The following WDR25 variants were observed in gnomAD, a reference collection of about 807,000 sequenced individuals.
WDR25 encodes the protein WD repeat-containing protein 25.
Under a neutral mutation model 47.7 loss-of-function variants are expected in WDR25, and 35 were observed. That is an observed-to-expected ratio of 0.73 (90% CI 0.56 to 0.97). The LOEUF (loss-of-function observed/expected upper bound fraction) is 0.97. WDR25 is among the 50% of genes least tolerant of loss of function. WDR25 has a pLI of 0.00. For synonymous variants in WDR25, 248 were observed against 278.9 expected (o/e 0.89, Z 1.10); for missense variants, 634 against 704.7 (o/e 0.90, Z 1.14).
At chr14:100,405,677 C>T (rs529134393) in intron 2 of WDR25, among the ~76,000 whole-genome samples, 34 of 152,358 alleles carry the variant, frequency 2.2e-4, no homozygotes, top group African/African-American at 7.5e-4. Context: ...AGCTGGCCAT[C>T]GGGAGGTGGG....
At chr14:100,528,273 T>C (rs1049759653) in intron 5 of WDR25, among the ~76,000 whole-genome samples, 1 of 152,146 alleles carries the variant, frequency 6.6e-6, no homozygotes, top group Non-Finnish European at 1.5e-5. Flanking sequence ...GTGTGCTCCC[T>C]CTGGAGTGTC....
chr14:100,382,032 G>A (rs1896914732), intron 2 of WDR25: 1 of 702,640 alleles, frequency 1.4e-6, no homozygotes, highest in South Asian at 1.5e-5. Flanking sequence ...AGTGGGAGAA[G>A]AAAAGCAGGC....
chr14:100,413,872 T>C (rs1281085776), intron 2 of WDR25, among the ~76,000 whole-genome samples: 1 of 152,252 alleles, frequency 6.6e-6, no homozygotes, highest in African/African-American at 2.4e-5. Context: ...TCATCCACGT[T>C]CAGCCATTTA....
In WDR25 at chr14:100,473,877, A is replaced by G. The variant is rs193106444; in HGVS notation, c.970+5709A>G. Among the ~76,000 whole-genome samples, 62 of 152,336 alleles carry G rather than the reference A, an allele frequency of 4.1e-4. 1 individual carries two copies. The highest frequency in any genetic ancestry group is 6.8e-3 in the Middle Eastern group (2 of 294). Reference sequence around the variant, plus strand: ...GGCTGGAGTTTCGCTAGCGTAGCTTAGGAGGACTTGATTAGGTATCCCTCA... The same window carrying G: ...GGCTGGAGTTTCGCTAGCGTAGCTTGGGAGGACTTGATTAGGTATCCCTCA... On this transcript the variant is annotated intron_variant, in intron 3 of 6. Transcript: ENST00000402312.
chr14:100,474,148 A>G (rs1379132003), intron 3 of WDR25, among the ~76,000 whole-genome samples: 2 of 151,910 alleles, frequency 1.3e-5, no homozygotes, highest in East Asian at 1.9e-4. Flanking sequence ...GAGTGGGTCT[A>G]TTTTCCAAGG....
At chr14:100,482,469 G>A (rs1406223043) in intron 3 of WDR25, among the ~76,000 whole-genome samples, 1 of 152,108 alleles carries the variant, frequency 6.6e-6, no homozygotes, top group East Asian at 1.9e-4. Context: ...TGGTACAGAG[G>A]CACATTATTC....
chr14:100,449,650 C>T lies in WDR25; in HGVS notation c.823-18371C>T, dbSNP rs1898958327. ...ATTAAAACTAAATCAGGTGATGCTT[C>T]CAGGAGCCCCCACTCAGTAACTGCT... On this transcript the variant is annotated intron_variant, in intron 2 of 6. Coordinates refer to ENST00000402312, the MANE Select transcript of WDR25 (RefSeq NM_001161476.3). This position sits in a 1 kb window ranked among gnomAD's most constrained non-coding sequence, Gnocchi z 4.2. Among the ~76,000 whole-genome samples the T allele has an allele frequency of 1.3e-5, 2 of 152,214 alleles. No individual in the cohort carries two copies. The highest frequency in any genetic ancestry group is 2.9e-5 in the Non-Finnish European group (2 of 68,038).
At chr14:100,463,479 C>T (rs1035964031) in intron 2 of WDR25, among the ~76,000 whole-genome samples, 1 of 152,096 alleles carries the variant, frequency 6.6e-6, no homozygotes, top group African/African-American at 2.4e-5. Flanking sequence ...TTTCTGGTTT[C>T]TCTCTCTCCT....
chr14:100,434,344 C>T (rs888267549), intron 2 of WDR25, among the ~76,000 whole-genome samples: 3 of 152,200 alleles, frequency 2.0e-5, no homozygotes, highest in Non-Finnish European at 2.9e-5. Context: ...AACAGTGAAA[C>T]CTGGCTTCCT....
At position 100,404,262 on chromosome 14, in the gene WDR25, C is replaced by A. The variant is rs112459936; in HGVS notation, c.822+22516C>A. 5.2e-3 allele frequency among the ~76,000 whole-genome samples: 786 copies of A among 152,338 alleles called. 5 individuals carry two copies. The highest frequency in any genetic ancestry group is 0.017 in the Middle Eastern group (5 of 294). ...GGGCACGGTGCTGCAAGGTGCGGAG[C>A]TGGGAATGGAGTCCAGGGCTGTTTG... On this transcript the variant is annotated intron_variant, in intron 2 of 6. Coordinates refer to ENST00000402312, the MANE Select transcript of WDR25 (RefSeq NM_001161476.3). This position sits in a 1 kb window ranked among gnomAD's most constrained non-coding sequence, Gnocchi z 4.6.
chr14:100,440,804 C>A lies in WDR25; in HGVS notation c.823-27217C>A, dbSNP rs546765375. ...GGGGAGGTAACCACCTCGATAAATT[C>A]GTCAGCGAGGCAGCTGGAGGGATGT... On this transcript the variant is annotated intron_variant, in intron 2 of 6. Coordinates refer to ENST00000402312, the MANE Select transcript of WDR25 (RefSeq NM_001161476.3). The surrounding 1 kb of genome is among the most constrained non-coding windows in gnomAD (Gnocchi z 4.4). 6.6e-6 allele frequency among the ~76,000 whole-genome samples: 1 copy of A among 152,190 alleles called. No homozygotes were observed. The highest frequency in any genetic ancestry group is 2.4e-5 in the African/African-American group (1 of 41,438).
At chr14:100,382,061 G>A in intron 2 of WDR25, 1 of 702,936 alleles carries the variant, frequency 1.4e-6, no homozygotes. Context: ...AAGCCCTGGG[G>A]ACTGGGGACA....
chr14:100,403,508 C>G (rs1420445888), intron 2 of WDR25, among the ~76,000 whole-genome samples: 1 of 152,246 alleles, frequency 6.6e-6, no homozygotes, highest in Non-Finnish European at 1.5e-5. Context: ...TTCTCCCCCA[C>G]TGTTTCTTGT....
chr14:100,519,559 T>C (rs1449400577), intron 4 of WDR25, among the ~76,000 whole-genome samples: 6 of 150,904 alleles, frequency 4.0e-5, no homozygotes, highest in African/African-American at 7.3e-5. Flanking sequence ...ATAACATATG[T>C]TTAAGAAGGT....
intron 2 of WDR25, among the ~76,000 whole-genome samples, chr14:100,398,031 G>A (rs1897297705): frequency 6.6e-6 from 1 of 152,200 alleles, no homozygotes; most frequent in South Asian, 2.1e-4. Context: ...TAGAGACAGA[G>A]TTTCACCATG....
At chr14:100,446,995 A>G (rs1898857680) in intron 2 of WDR25, among the ~76,000 whole-genome samples, 1 of 152,268 alleles carries the variant, frequency 6.6e-6, no homozygotes, top group Non-Finnish European at 1.5e-5. Flanking sequence ...TTAATCCTTT[A>G]GAATCACTTG....
intron 4 of WDR25, among the ~76,000 whole-genome samples, chr14:100,511,434 T>C (rs1901307857): frequency 6.6e-6 from 1 of 152,236 alleles, no homozygotes; most frequent in African/African-American, 2.4e-5. Flanking sequence ...TAGATTCTAT[T>C]GGATTTTCTA....
chr14:100,447,557 T>C (rs1898879324), intron 2 of WDR25, among the ~76,000 whole-genome samples: 2 of 152,080 alleles, frequency 1.3e-5, no homozygotes, highest in South Asian at 4.1e-4. Context: ...TGGGGTAATC[T>C]GGGGCAAGGG....
chr14:100,410,747 A>G lies in WDR25; in HGVS notation c.822+29001A>G, dbSNP rs576543941. 3.3e-5 allele frequency among the ~76,000 whole-genome samples: 5 copies of G among 151,510 alleles called. No individual in the cohort carries two copies. The South Asian group carries it at 1.0e-3, about 32-fold the overall frequency. ...GTCTTTTAGAATTTTCTTAAACTAC[A>G]GGACACTCACTTTTGGATGCGAAGT... On this transcript the variant is annotated intron_variant, in intron 2 of 6. Transcript: ENST00000402312.
Sources: allele counts gnomAD v4.1 joint callset (sites outside exome capture counted in the v4.1 genomes callset), GRCh38; gene constraint gnomAD v4.1.1; non-coding constraint Gnocchi (gnomAD v3.1); transcripts MANE v1.5; gene names NCBI Gene and HGNC (gene_info 2026-07-23, HGNC 2026-07-21).